Variants in RASA2 observed in about 807,000 individuals in gnomAD.
The protein encoded by RASA2 is ras GTPase-activating protein 2.
In RASA2, 155 loss-of-function variants were observed where a neutral mutation model predicts 118.2. That is an observed-to-expected ratio of 1.31 (90% CI 1.15 to 1.50). The LOEUF is 1.50. RASA2 is among the 40% of genes most tolerant of loss of function. The probability of loss-of-function intolerance (pLI) is 0.00; values close to 1 mark genes in which losing one functional copy is unlikely to be tolerated. For synonymous variants in RASA2, 353 were observed against 349.1 expected (o/e 1.01, Z -0.12); for missense variants, 1,016 against 1,009.6 (o/e 1.01, Z -0.09).
intron 17 of RASA2, among the ~76,000 whole-genome samples, chr3:141,582,409 C>T (rs1218900010): frequency 6.6e-6 from 1 of 152,164 alleles, no homozygotes; most frequent in East Asian, 1.9e-4. Flanking sequence ...ACATTTGTGA[C>T]ACTGTAGGCA....
At chr3:141,589,540 CAAGTT>C (rs1399073657) in intron 19 of RASA2, among the ~76,000 whole-genome samples, 4 of 152,006 alleles carry the variant, frequency 2.6e-5, no homozygotes, top group East Asian at 1.9e-4. Context: ...CTGTGATTCT[CAAGTT>C]AAGAACCTCT....
At chr3:141,556,426 A>C (rs1049840927) in intron 7 of RASA2, among the ~76,000 whole-genome samples, 5 of 152,194 alleles carry the variant, frequency 3.3e-5, no homozygotes, top group Admixed American at 1.3e-4. Flanking sequence ...AGCATGTGAG[A>C]ATCCTTTGAG....
At chr3:141,498,251 G>A (rs1027143008) in intron 1 of RASA2, among the ~76,000 whole-genome samples, 3 of 152,200 alleles carry the variant, frequency 2.0e-5, no homozygotes, top group Non-Finnish European at 2.9e-5. Context: ...GCTCAGGATT[G>A]TAAGGGAGCA....
intron 4 of RASA2, among the ~76,000 whole-genome samples, chr3:141,535,119 G>A (rs191115194): frequency 1.4e-3 from 214 of 152,100 alleles, no homozygotes; most frequent in Non-Finnish European, 1.1e-3. Flanking sequence ...TCATTTTTCC[G>A]ACATCATATG....
intron 15 of RASA2, among the ~76,000 whole-genome samples, chr3:141,580,077 AAAAAAAAAATATATAT>A (rs1207936678): frequency 0.025 from 2,740 of 109,234 alleles, 61 homozygotes; most frequent in Non-Finnish European, 0.037. Flanking sequence ...AAGAAAAAAA[AAAAAAAAAATATATAT>A]ATATATATAT....
chr3:141,582,946 A>G (rs2083139669), intron 17 of RASA2, among the ~76,000 whole-genome samples: 1 of 152,240 alleles, frequency 6.6e-6, no homozygotes, highest in African/African-American at 2.4e-5. Flanking sequence ...TGTCTAAACC[A>G]GAACACTTTT....
chr3:141,499,326 G>A (rs1333361067), intron 1 of RASA2, among the ~76,000 whole-genome samples: 1 of 152,074 alleles, frequency 6.6e-6, no homozygotes, highest in South Asian at 2.1e-4. Context: ...TATAGTTCAG[G>A]TTTTATACCC....
At chr3:141,559,023 C>A in intron 8 of RASA2, 61 bp downstream of exon 8, 1 of 1,415,524 alleles carries the variant, frequency 7.1e-7, no homozygotes, top group Admixed American at 2.1e-5. Flanking sequence ...ATCCTAGATT[C>A]AACCAAAAAA....
intron 4 of RASA2, among the ~76,000 whole-genome samples, chr3:141,531,533 A>T (rs2082260634): frequency 6.6e-6 from 1 of 151,778 alleles, no homozygotes; most frequent in Non-Finnish European, 1.5e-5. Context: ...ATATTTATAG[A>T]TATACATATA....
At chr3:141,601,001 TC>T (rs1307293954) in intron 19 of RASA2, among the ~76,000 whole-genome samples, 1 of 152,080 alleles carries the variant, frequency 6.6e-6, no homozygotes, top group Non-Finnish European at 1.5e-5. Flanking sequence ...TATGGCCAAT[TC>T]CGTTTTAACA....
rs2083679151 is a variant in RASA2, at chr3:141,613,212, G to A, written c.*899G>A. On this transcript the variant is annotated 3_prime_UTR_variant, in exon 24 of 24. Transcript: ENST00000286364. ...TGCCCTCCTCATAGTGTTCGGTTCT[G>A]ATCTTCCTCGAGAACAGTCACTTGG... 1.3e-5 allele frequency: 2 copies of A among 152,154 alleles called. No individual in the cohort carries two copies. Among genetic ancestry groups the A allele is most frequent in the South Asian group, 4.1e-4 (2 of 4,828 alleles). 9.4% of individuals were successfully genotyped at this position (152,154 alleles called of 1,614,324 possible).
intron 9 of RASA2, among the ~76,000 whole-genome samples, chr3:141,566,382 A>C (rs79680093): frequency 5.9e-5 from 9 of 152,234 alleles, no homozygotes; most frequent in Non-Finnish European, 1.0e-4. Flanking sequence ...AAATACAGAG[A>C]GGATGAAGGA....
At chr3:141,541,812 GT>G (rs796954258) in intron 5 of RASA2, among the ~76,000 whole-genome samples, 1,815 of 140,512 alleles carry the variant, frequency 0.013, 25 homozygotes, top group African/African-American at 0.04. Context: ...ATATAAACCA[GT>G]TTTTTTTTTT....
At chr3:141,563,862 G>A (rs1043140170) in intron 9 of RASA2, among the ~76,000 whole-genome samples, 1 of 152,044 alleles carries the variant, frequency 6.6e-6, no homozygotes, top group African/African-American at 2.4e-5. Context: ...AAAGATTTGA[G>A]TGTCCCTTGC....
intron 20 of RASA2, 53 bp downstream of exon 20, chr3:141,607,813 AG>A: frequency 6.8e-7 from 1 of 1,475,340 alleles, no homozygotes; most frequent in South Asian, 1.4e-5. Flanking sequence ...ATATTACTTA[AG>A]TATTTGTATT....
rs770364469 is a variant in RASA2, at chr3:141,559,898, G to A, written c.766G>A (p.Asp256Asn). The A allele has an allele frequency of 8.7e-6, 14 of 1,612,450 alleles. No individual in the cohort carries two copies. Among genetic ancestry groups the A allele is most frequent in the East Asian group, 2.2e-5 (1 of 44,752 alleles). The change falls in exon 9 of 24, where the codon GAC (aspartate) becomes AAC (asparagine). Residue 256 changes from aspartate (D) to asparagine (N), a missense_variant. Asp to Asn is a conservative substitution (Grantham distance 23). Coordinates refer to ENST00000286364, the MANE Select transcript of RASA2 (RefSeq NM_006506.5). Reference protein sequence around the residue: ...EDIEKLEIRIDLWNNGNLVQD... With the variant: ...EDIEKLEIRINLWNNGNLVQD... ...AAGCCAGTTTTCAATTTTCAGGATC[G>A]ACTTGTGGAACAATGGAAACCTAGT... is the stretch of plus-strand genomic sequence containing the variant.
intron 19 of RASA2, among the ~76,000 whole-genome samples, chr3:141,595,661 G>A (rs574723933): frequency 2.2e-4 from 33 of 151,146 alleles, no homozygotes; most frequent in African/African-American, 7.5e-4. Flanking sequence ...TTGAGACAGG[G>A]TCTTGCTCTG....
intron 3 of RASA2, chr3:141,525,600 G>A (rs924378657): frequency 6.6e-6 from 1 of 152,138 alleles, no homozygotes; most frequent in African/African-American, 2.4e-5. Context: ...AAGCTCAAAA[G>A]TTCAAGACCA....
chr3:141,509,805 T>A (rs2151078764), intron 1 of RASA2, among the ~76,000 whole-genome samples: 1 of 152,312 alleles, frequency 6.6e-6, no homozygotes, highest in South Asian at 2.1e-4. Context: ...GGAAAATGGA[T>A]GAATACCGGT....
Sources: allele counts gnomAD v4.1 joint callset (sites outside exome capture counted in the v4.1 genomes callset), GRCh38; gene constraint gnomAD v4.1.1; transcripts MANE v1.5; gene names NCBI Gene and HGNC (gene_info 2026-07-23, HGNC 2026-07-21).